The following DIP2A variants were observed in gnomAD, a reference collection of about 807,000 sequenced individuals.
DIP2A encodes the protein DIP2 acetate--CoA ligase A.
In DIP2A, 85 loss-of-function variants were observed where a neutral mutation model predicts 177.4. That is an observed-to-expected ratio of 0.48 (90% CI 0.40 to 0.57). The LOEUF is 0.57. DIP2A is among the 20% of genes least tolerant of loss of function. The pLI, the probability that DIP2A is intolerant of heterozygous loss-of-function variation, is 0.00. For missense variants in DIP2A, 1,791 were observed against 2,100.2 expected (o/e 0.85, Z 2.88); for synonymous variants, 886 against 881.8 (o/e 1.00, Z -0.08).
rs773265937 is a variant in DIP2A at position 46,459,151 on chromosome 21, C to T, written c.20C>T (p.Pro7Leu). 9 of 1,517,678 alleles carry T rather than the reference C, an allele frequency of 5.9e-6. No homozygotes were observed. The highest frequency in any genetic ancestry group is 4.9e-5 in the South Asian group (4 of 81,144). The allele number at this position is 1,517,678 out of a possible 1,614,324, so 94.0% of individuals were successfully genotyped here. MADRGC[P>L]LEAAPLPAEV... ...CTGGCCATGGCTGACCGCGGGTGCC[C>T]GCTGGAGGCGGCGCCGCTGCCTGCC... Residue 7 changes from proline (P) to leucine (L), a missense_variant, in exon 1 of 38, where the codon CCG becomes CTG. Pro to Leu is a moderately conservative substitution (Grantham distance 98). Transcript: ENST00000417564.
intron 11 of DIP2A, 119 bp downstream of exon 11, chr21:46,533,766 G>C: frequency 6.9e-7 from 1 of 1,451,320 alleles, no homozygotes; most frequent in Non-Finnish European, 9.4e-7. Context: ...GTGATCCCTT[G>C]TTCGAGTCCT....
intron 9 of DIP2A, 137 bp from the exon 10 acceptor site, chr21:46,531,990 C>T: frequency 1.3e-6 from 1 of 748,752 alleles, no homozygotes. Context: ...ACTATTTGGA[C>T]TTGTCCCTTA....
the DIP2A span, among the ~76,000 whole-genome samples, chr21:46,583,065 G>A: frequency 1.3e-5 from 2 of 152,052 alleles, no homozygotes; most frequent in Non-Finnish European, 2.9e-5. Flanking sequence ...ATGAGAAAAG[G>A]TACATCATTC....
At chr21:46,459,476 G>T (rs1206257534) in intron 1 of DIP2A, among the ~76,000 whole-genome samples, 2 of 127,612 alleles carry the variant, frequency 1.6e-5, no homozygotes, top group African/African-American at 6.2e-5. Context: ...TGGGACCCCA[G>T]CACGACCCCT....
chr21:46,575,476 A>G, the DIP2A span, among the ~76,000 whole-genome samples: 5 of 152,200 alleles, frequency 3.3e-5, no homozygotes, highest in African/African-American at 9.6e-5. Context: ...AACAATTCAA[A>G]TTATCTCTGC....
At chr21:46,543,572 T>C (rs74671132) in intron 18 of DIP2A, among the ~76,000 whole-genome samples, 9,013 of 39,046 alleles carry the variant, frequency 0.23, 334 homozygotes, top group Middle Eastern at 0.31. Context: ...GGTGGACCCC[T>C]GTTTCCCATG....
chr21:46,554,701 G>A lies in DIP2A; in HGVS notation c.3276+5G>A, dbSNP rs1403529076. The A allele has an allele frequency of 3.2e-6, 5 of 1,562,352 alleles. No homozygotes were observed. Among genetic ancestry groups the A allele is most frequent in the South Asian group, 1.2e-5 (1 of 84,882 alleles). ...ACCGTCAAGATGATCGTGGAGGTGC[G>A]CCTACCTGGCCCGCGGGTCAGAGTC... is the stretch of plus-strand genomic sequence containing the variant. On this transcript the variant is annotated splice_donor_5th_base_variant and intron_variant, in intron 27 of 37. Transcript: ENST00000417564.
intron 22 of DIP2A, chr21:46,550,109 C>T (rs2060217630): frequency 1.7e-6 from 2 of 1,177,552 alleles, no homozygotes; most frequent in East Asian, 2.7e-5. Context: ...TTAATATATC[C>T]ATCACCTCAA....
At chr21:46,532,737 G>T (rs2839304) in intron 10 of DIP2A, among the ~76,000 whole-genome samples, 72 of 152,092 alleles carry the variant, frequency 4.7e-4, no homozygotes, top group South Asian at 8.3e-4. Context: ...TATGACCGTA[G>T]GCAGTTTCTG....
rs375456011 is a variant in DIP2A at position 46,476,175 on chromosome 21, G to A, written c.92-8582G>A. ...GCAGAATGGTGTGAACCCGGGAGGC[G>A]GAGCTTGCAGTGAGCTGAGATCACA... On this transcript the variant is annotated intron_variant, in intron 1 of 37. Coordinates refer to ENST00000417564, the MANE Select transcript of DIP2A (RefSeq NM_015151.4). 4.4e-4 allele frequency among the ~76,000 whole-genome samples: 67 copies of A among 151,892 alleles called. No individual in the cohort carries two copies. The South Asian group carries it at 8.1e-3, about 18-fold the overall frequency.
Position 46,498,663 on chromosome 21 carries a change from G to A in DIP2A, c.485G>A (p.Ser162Asn). Reference sequence around the variant, plus strand: ...TCCACTCCGCTCCAGAGCCATTCCAGCGTCGAGCCCTGGCTCGACCGGGTC... The same window carrying A: ...TCCACTCCGCTCCAGAGCCATTCCAACGTCGAGCCCTGGCTCGACCGGGTC... The part of the protein sequence containing the change: ...LTSTPLQSHS[S>N]VEPWLDRVIQ... Residue 162 changes from serine (S) to asparagine (N), a missense_variant, in exon 5 of 38, where the codon AGC becomes AAC. Physicochemically the swap from Ser to Asn is conservative, Grantham distance 46. Transcript: ENST00000417564. The surrounding 1 kb of genome is among the most constrained non-coding windows in gnomAD (Gnocchi z 4.3). 1 of 1,613,678 alleles carries A rather than the reference G, an allele frequency of 6.2e-7. No homozygotes were observed. The highest frequency in any genetic ancestry group is 1.3e-5 in the African/African-American group (1 of 75,020).
At chr21:46,496,843 A>G in intron 3 of DIP2A, 145 bp from the exon 4 acceptor site, 1 of 705,006 alleles carries the variant, frequency 1.4e-6, no homozygotes, top group South Asian at 3.4e-5. Flanking sequence ...TATTTAAAGA[A>G]ATCTAGGACC....
At position 46,498,690 on chromosome 21, in the gene DIP2A, T is replaced by A; in HGVS notation, c.512T>A (p.Ile171Asn). The A allele has an allele frequency of 1.9e-6, 3 of 1,613,854 alleles. No individual in the cohort carries two copies. Among genetic ancestry groups the A allele is most frequent in the Non-Finnish European group, 2.5e-6 (3 of 1,179,868 alleles). ...GTCGAGCCCTGGCTCGACCGGGTCA[T>A]TCAGGGCTCGTCCACCTCATCCTCT... ...SSVEPWLDRV[I>N]QGSSTSSSAS... The change falls in exon 5 of 38, where the codon ATT (isoleucine) becomes AAT (asparagine). Residue 171 changes from isoleucine (I) to asparagine (N), a missense_variant. Transcript: ENST00000417564. This position sits in a 1 kb window ranked among gnomAD's most constrained non-coding sequence, Gnocchi z 4.3.
chr21:46,565,700 CTG>C lies in DIP2A; in HGVS notation c.4165-12_4165-11del. 1 of 1,610,988 alleles carries C rather than the reference CTG, an allele frequency of 6.2e-7. No individual in the cohort carries two copies. Among genetic ancestry groups the C allele is most frequent in the South Asian group, 1.1e-5 (1 of 90,692 alleles). On this transcript the variant is annotated splice_polypyrimidine_tract_variant and intron_variant, in intron 35 of 37. Transcript: ENST00000417564. ...TGGTAACACATCACATTCTTGTCCT[CTG>C]GGCCCACCAGATCTGGGTAAGCAGC... is the stretch of plus-strand genomic sequence containing the variant.
At position 46,459,267 on chromosome 21, in the gene DIP2A, C is replaced by T. The variant is rs929901590; in HGVS notation, c.91+45C>T. ...CAACCCCCGCGACCCGCCCTCAGCCCGGTCCCCCGCGCAGCCCCTCACTCC... is the reference window on the plus strand; with the variant it reads ...CAACCCCCGCGACCCGCCCTCAGCCTGGTCCCCCGCGCAGCCCCTCACTCC... On this transcript the variant is annotated intron_variant, in intron 1 of 37. Transcript: ENST00000417564. The T allele has an allele frequency of 8.9e-6, 13 of 1,461,536 alleles. No homozygotes were observed. In the Admixed American group the frequency reaches 2.8e-4, roughly 31 times the overall value. The allele number at this position is 1,461,536 out of a possible 1,614,324, so 90.5% of individuals were successfully genotyped here. A position where few individuals can be genotyped will look rare whatever the true frequency, so the allele number is the denominator to read the frequency against.
In DIP2A at chr21:46,498,455, G is replaced by A; in HGVS notation, c.404-127G>A. 1 of 1,193,734 alleles carries A rather than the reference G, an allele frequency of 8.4e-7. No homozygotes were observed. The highest frequency in any genetic ancestry group is 1.2e-6 in the Non-Finnish European group (1 of 849,838). The allele number at this position is 1,193,734 out of a possible 1,614,324, so 73.9% of individuals were successfully genotyped here. A position where few individuals can be genotyped will look rare whatever the true frequency, so the allele number is the denominator to read the frequency against. On this transcript the variant is annotated intron_variant, in intron 4 of 37. Transcript: ENST00000417564. The surrounding 1 kb of genome is among the most constrained non-coding windows in gnomAD (Gnocchi z 4.3). ...CTTTGAGCTGACTGCGTGGCTTTGG[G>A]CAGAGCTGTGCCAGGTGTACAGAAG...
chr21:46,507,426 T>TTTTCA (rs1832974861), intron 6 of DIP2A, among the ~76,000 whole-genome samples: 1 of 152,208 alleles, frequency 6.6e-6, no homozygotes, highest in Non-Finnish European at 1.5e-5. Context: ...CATTTTTGTA[T>TTTTCA]GTGGGTATTC....
chr21:46,532,145 A>C lies in DIP2A; in HGVS notation c.1213A>C (p.Asn405His), dbSNP rs1279355962. 3.1e-6 allele frequency: 5 copies of C among 1,613,798 alleles called. No homozygotes were observed. The highest frequency in any genetic ancestry group is 4.2e-6 in the Non-Finnish European group (5 of 1,179,762). Reference sequence around the variant, plus strand: ...GTTGTAGGTGGCGCTCGTGTTTCCGAATAGTGACCCTGTGATGTTCATGGT... The same window carrying C: ...GTTGTAGGTGGCGCTCGTGTTTCCGCATAGTGACCCTGTGATGTTCATGGT... Reference protein sequence around the residue: ...PGDRVALVFPNSDPVMFMVAF... With the variant: ...PGDRVALVFPHSDPVMFMVAF... The change falls in exon 10 of 38, where the codon AAT becomes CAT. Residue 405 changes from asparagine (N) to histidine (H), a missense_variant. Asn to His is a moderately conservative substitution (Grantham distance 68). Coordinates refer to ENST00000417564, the MANE Select transcript of DIP2A (RefSeq NM_015151.4).
chr21:46,574,221 A>T (rs1369425024), downstream of DIP2A, among the ~76,000 whole-genome samples: 1 of 152,202 alleles, frequency 6.6e-6, no homozygotes, highest in Admixed American at 6.5e-5. Context: ...GAAATTAGTG[A>T]AAATTAACAC....
Sources: gnomAD v4.1 joint callset for allele counts (sites outside exome capture counted in the v4.1 genomes callset) on GRCh38, gnomAD v4.1.1 for gene constraint, Gnocchi (gnomAD v3.1) non-coding constraint, MANE v1.5 for transcripts, NCBI Gene and HGNC (gene_info 2026-07-23, HGNC 2026-07-21) for gene names.